The following ATP8B4 variants were observed in gnomAD, a reference collection of about 807,000 sequenced individuals.
ATP8B4 encodes the protein probable phospholipid-transporting ATPase IM.
A neutral mutation model predicts 145.6 loss-of-function variants in ATP8B4; 133 were observed. That is an observed-to-expected ratio of 0.91 (90% confidence interval 0.79 to 1.05). The LOEUF is 1.05. Ranked by LOEUF, ATP8B4 falls within the 50% of genes least tolerant of loss-of-function variation. The pLI is 0.00. For missense variants in ATP8B4, 1,458 were observed against 1,425.2 expected (o/e 1.02, Z -0.37); for synonymous variants, 507 against 492.9 (o/e 1.03, Z -0.38).
At chr15:49,884,995 C>A (rs1375846277) in intron 23 of ATP8B4, among the ~76,000 whole-genome samples, 1 of 152,174 alleles carries the variant, frequency 6.6e-6, no homozygotes, top group Non-Finnish European at 1.5e-5. Context: ...AGATTGGGGA[C>A]CACTGATTTA....
chr15:50,019,046 T>C (rs1300510195), intron 6 of ATP8B4: 1 of 802,328 alleles, frequency 1.2e-6, no homozygotes, highest in South Asian at 1.4e-5. Context: ...ATCGGTCATT[T>C]AAACAAAAAC....
chr15:50,107,344 G>A (rs576064154), intron 1 of ATP8B4, among the ~76,000 whole-genome samples: 1 of 152,252 alleles, frequency 6.6e-6, no homozygotes, highest in South Asian at 2.1e-4. Context: ...TTATTTAAAT[G>A]CCATAGGTGA....
At chr15:50,062,888 G>A (rs920476518) in intron 3 of ATP8B4, among the ~76,000 whole-genome samples, 13 of 152,132 alleles carry the variant, frequency 8.5e-5, no homozygotes, top group South Asian at 2.1e-4. Context: ...CCTCAAAATC[G>A]TCTTTCTTAG....
At chr15:49,916,289 C>T (rs2039731521) in intron 20 of ATP8B4, among the ~76,000 whole-genome samples, 1 of 152,134 alleles carries the variant, frequency 6.6e-6, no homozygotes, top group Non-Finnish European at 1.5e-5. Context: ...CTGTCCACTG[C>T]TACCTCCAAT....
intron 7 of ATP8B4, among the ~76,000 whole-genome samples, chr15:50,010,460 AAATT>A (rs2048647410): frequency 6.6e-6 from 1 of 152,052 alleles, no homozygotes; most frequent in African/African-American, 2.4e-5. Flanking sequence ...AATATACTGT[AAATT>A]AACAATACTA....
intron 13 of ATP8B4, among the ~76,000 whole-genome samples, chr15:49,971,413 C>T (rs2045117063): frequency 6.6e-6 from 1 of 152,032 alleles, no homozygotes; most frequent in African/African-American, 2.4e-5. Context: ...AGAACTTAAA[C>T]AAATTTACAA....
chr15:50,181,314 A>G (rs2044844240), intron 1 of ATP8B4, among the ~76,000 whole-genome samples: 1 of 152,254 alleles, frequency 6.6e-6, no homozygotes, highest in South Asian at 2.1e-4. Flanking sequence ...GTACAGAAGT[A>G]GCACTAAGGC....
intron 5 of ATP8B4, among the ~76,000 whole-genome samples, chr15:50,044,325 T>C (rs899438720): frequency 6.6e-6 from 1 of 152,252 alleles, no homozygotes; most frequent in Non-Finnish European, 1.5e-5. Context: ...AAATTGGTTG[T>C]ATTATTAGCA....
intron 1 of ATP8B4, among the ~76,000 whole-genome samples, chr15:50,118,268 T>C (rs1467741550): frequency 2.0e-5 from 3 of 152,216 alleles, no homozygotes; most frequent in Admixed American, 6.5e-5. Context: ...ATATATATGC[T>C]AATTACACAT....
At chr15:50,002,055 C>A in intron 8 of ATP8B4, 98 bp downstream of exon 8, 1 of 1,000,130 alleles carries the variant, frequency 1.0e-6, no homozygotes. Context: ...TCCTATGTCT[C>A]CCAAGAAGAT....
chr15:50,078,059 G>C lies in ATP8B4; in HGVS notation c.29-3874C>G, dbSNP rs376818727. On this transcript the variant is annotated intron_variant, in intron 2 of 27. Transcript: ENST00000284509. ...GAAAAACCAAGAGCACAAAAAAGAG[G>C]GATCCAACAGGAAGAAATAATGCTG... is the stretch of plus-strand genomic sequence containing the variant. Among the ~76,000 whole-genome samples, 46 of 152,132 alleles carry C rather than the reference G, an allele frequency of 3.0e-4. 1 individual carries two copies. The highest frequency in any genetic ancestry group is 1.1e-3 in the African/African-American group (45 of 41,508).
chr15:49,954,646 A>C (rs2043397712), intron 14 of ATP8B4, among the ~76,000 whole-genome samples: 1 of 152,172 alleles, frequency 6.6e-6, no homozygotes, highest in Non-Finnish European at 1.5e-5. Flanking sequence ...ACCAGTCAGA[A>C]AAATTTTTGT....
At chr15:49,868,651 T>C (rs1028503310) in intron 25 of ATP8B4, among the ~76,000 whole-genome samples, 1 of 152,054 alleles carries the variant, frequency 6.6e-6, no homozygotes, top group African/African-American at 2.4e-5. Context: ...TTCTAAATAA[T>C]TAACATGTAA....
At chr15:50,058,882 G>A (rs1231327333) in intron 3 of ATP8B4, among the ~76,000 whole-genome samples, 1 of 151,638 alleles carries the variant, frequency 6.6e-6, no homozygotes, top group Non-Finnish European at 1.5e-5. Flanking sequence ...GGGAGTAGAG[G>A]TGTTGAGAGG....
At chr15:50,153,297 A>C (rs2044369132) in intron 1 of ATP8B4, among the ~76,000 whole-genome samples, 1 of 152,152 alleles carries the variant, frequency 6.6e-6, no homozygotes, top group Non-Finnish European at 1.5e-5. Flanking sequence ...CTGACAAAAA[A>C]GTTGAAGGAA....
intron 20 of ATP8B4, chr15:49,908,134 A>T (rs1162674522): frequency 2.2e-6 from 1 of 455,880 alleles, no homozygotes; most frequent in Non-Finnish European, 4.4e-6. Context: ...GAGGTAATAC[A>T]TGTGTACTGC....
At chr15:49,864,429 G>A (rs2032420037) in intron 26 of ATP8B4, among the ~76,000 whole-genome samples, 3 of 152,200 alleles carry the variant, frequency 2.0e-5, no homozygotes, top group Admixed American at 1.3e-4. Flanking sequence ...TTAAGTTCAA[G>A]AATGTTGGTC....
At chr15:50,168,214 A>C (rs765186614) in intron 1 of ATP8B4, among the ~76,000 whole-genome samples, 5 of 152,208 alleles carry the variant, frequency 3.3e-5, no homozygotes, top group Non-Finnish European at 7.3e-5. Flanking sequence ...CTCCCAACAG[A>C]GCAGCATGCG....
Position 50,079,359 on chromosome 15 carries a change from A to T in ATP8B4, c.29-5174T>A, listed in dbSNP as rs556675904. 5.9e-5 allele frequency among the ~76,000 whole-genome samples: 9 copies of T among 152,332 alleles called. No individual in the cohort carries two copies. In the East Asian group the frequency reaches 1.5e-3, roughly 26 times the overall value. Reference sequence around the variant, plus strand: ...AACCAGAGTCAAGAATGATAATAAAAATAGCTAATCCAATGACCCACACAC... The same window carrying T: ...AACCAGAGTCAAGAATGATAATAAATATAGCTAATCCAATGACCCACACAC... On this transcript the variant is annotated intron_variant, in intron 2 of 27. Coordinates refer to ENST00000284509, the MANE Select transcript of ATP8B4 (RefSeq NM_024837.4).
Sources: allele counts gnomAD v4.1 joint callset (sites outside exome capture counted in the v4.1 genomes callset), GRCh38; gene constraint gnomAD v4.1.1; transcripts MANE v1.5; gene names NCBI Gene and HGNC (gene_info 2026-07-23, HGNC 2026-07-21).